Variants in TMEM108 observed in about 807,000 individuals in gnomAD.
The protein encoded by TMEM108 is transmembrane protein 108, also known as cancer/testis antigen 124.
In TMEM108, 12 loss-of-function variants were observed where a neutral mutation model predicts 35.1. The ratio of observed to expected loss-of-function variants is 0.34; its 90% CI spans 0.22 to 0.55. The LOEUF (loss-of-function observed/expected upper bound fraction) is 0.55. Ranked by LOEUF, TMEM108 falls within the 20% of genes least tolerant of loss-of-function variation. TMEM108 has a pLI of 0.89. For missense variants in TMEM108, 680 were observed against 753.3 expected (o/e 0.90, Z 1.14); for synonymous variants, 287 against 308.6 (o/e 0.93, Z 0.73).
intron 2 of TMEM108, among the ~76,000 whole-genome samples, chr3:133,047,545 T>G (rs1943354891): frequency 6.6e-6 from 1 of 152,018 alleles, no homozygotes; most frequent in Non-Finnish European, 1.5e-5. Flanking sequence ...AATTCTTGTG[T>G]GGAGTGTCCT....
At chr3:133,356,604 G>A (rs2072179348) in intron 3 of TMEM108, among the ~76,000 whole-genome samples, 1 of 152,132 alleles carries the variant, frequency 6.6e-6, no homozygotes, top group African/African-American at 2.4e-5. Flanking sequence ...AAAACAGCAT[G>A]GTACTTATAT....
chr3:133,086,034 TA>T (rs1195572009), intron 2 of TMEM108, among the ~76,000 whole-genome samples: 1 of 152,120 alleles, frequency 6.6e-6, no homozygotes, highest in Non-Finnish European at 1.5e-5. Context: ...TGAGCCACAT[TA>T]AAAAAAGAAA....
intron 2 of TMEM108, among the ~76,000 whole-genome samples, chr3:133,145,050 C>T (rs1944697378): frequency 6.6e-6 from 1 of 152,138 alleles, no homozygotes; most frequent in African/African-American, 2.4e-5. Flanking sequence ...TGCCTATGTC[C>T]TGAATGGTAT....
chr3:133,189,795 A>T (rs879596477), intron 2 of TMEM108, among the ~76,000 whole-genome samples: 1 of 152,232 alleles, frequency 6.6e-6, no homozygotes, highest in Non-Finnish European at 1.5e-5. Flanking sequence ...GGCCAAAAGT[A>T]GGGAAGAAAA....
chr3:133,381,668 TC>T (rs2073016639), intron 4 of TMEM108, among the ~76,000 whole-genome samples: 1 of 152,178 alleles, frequency 6.6e-6, no homozygotes, highest in Non-Finnish European at 1.5e-5. Context: ...CTCACCTTCC[TC>T]TTTATCTTCC....
chr3:133,280,089 C>T (rs1946892054), intron 3 of TMEM108, among the ~76,000 whole-genome samples: 1 of 151,998 alleles, frequency 6.6e-6, no homozygotes, highest in Admixed American at 6.5e-5. Flanking sequence ...TAAAAGATCC[C>T]CAGTCAGAGG....
chr3:133,141,463 T>A (rs1944639664), intron 2 of TMEM108, among the ~76,000 whole-genome samples: 1 of 152,202 alleles, frequency 6.6e-6, no homozygotes, highest in Non-Finnish European at 1.5e-5. Flanking sequence ...TCCACTTCAG[T>A]CACCTTAGAT....
chr3:133,209,790 A>G (rs1009376054), intron 2 of TMEM108, among the ~76,000 whole-genome samples: 1 of 152,112 alleles, frequency 6.6e-6, no homozygotes, highest in African/African-American at 2.4e-5. Context: ...TACCCTGAGA[A>G]TGAATGATTT....
intron 2 of TMEM108, among the ~76,000 whole-genome samples, chr3:133,141,616 G>A (rs1213882519): frequency 6.6e-6 from 1 of 152,100 alleles, no homozygotes; most frequent in African/African-American, 2.4e-5. Context: ...TGTAAGCCAG[G>A]GACTGACCTG....
At chr3:133,061,746 A>C (rs1166931732) in intron 2 of TMEM108, among the ~76,000 whole-genome samples, 1 of 152,180 alleles carries the variant, frequency 6.6e-6, no homozygotes, top group Non-Finnish European at 1.5e-5. Context: ...TTTCAAGGCT[A>C]TATGTTACTA....
At chr3:133,238,701 A>G (rs957039102) in intron 3 of TMEM108, among the ~76,000 whole-genome samples, 1 of 152,106 alleles carries the variant, frequency 6.6e-6, no homozygotes, top group Admixed American at 6.5e-5. Context: ...TGGCTCATGT[A>G]TTTTGTCTTC....
At chr3:133,375,956 C>T (rs754804265) in intron 3 of TMEM108, among the ~76,000 whole-genome samples, 16 of 152,148 alleles carry the variant, frequency 1.1e-4, no homozygotes, top group Admixed American at 5.9e-4. Context: ...TTGGCACCCA[C>T]GGTGGCAGTA....
intron 3 of TMEM108, among the ~76,000 whole-genome samples, chr3:133,371,639 A>AAAAAAAAAAAAAAAAAAC (rs2072679939): frequency 7.4e-6 from 1 of 135,952 alleles, no homozygotes; most frequent in African/African-American, 2.6e-5. Context: ...AAAAAAAAAA[A>AAAAAAAAAAAAAAAAAAC]CCCACCCAGA....
chr3:133,109,448 T>C (rs1024948468), intron 2 of TMEM108, among the ~76,000 whole-genome samples: 1 of 151,494 alleles, frequency 6.6e-6, no homozygotes, highest in Non-Finnish European at 1.5e-5. Flanking sequence ...GTCAACATAG[T>C]GAGACCCCGT....
chr3:133,396,809 C>CCTT lies in TMEM108; in HGVS notation c.*825_*827dup, dbSNP rs1348300419. The CCTT allele has an allele frequency of 6.6e-6, 1 of 152,124 alleles. No individual in the cohort carries two copies. The highest frequency in any genetic ancestry group is 1.5e-5 in the Non-Finnish European group (1 of 68,022). The allele number at this position is 152,124 out of a possible 1,614,324, so 9.4% of individuals were successfully genotyped here. ...GGCCCTGGAGCTTTAAAATGCTTGC[C>CCTT]CTTCCTTCTTCAAGGATCAAATGTT... On this transcript the variant is annotated 3_prime_UTR_variant, in exon 6 of 6. Transcript: ENST00000321871.
chr3:133,129,854 G>A (rs1161733792), intron 2 of TMEM108, among the ~76,000 whole-genome samples: 2 of 151,466 alleles, frequency 1.3e-5, no homozygotes, highest in Non-Finnish European at 2.9e-5. Context: ...TCTAAAATCT[G>A]ATTACTTTCT....
At chr3:133,260,655 GC>G (rs55835223) in intron 3 of TMEM108, among the ~76,000 whole-genome samples, 146,975 of 152,284 alleles carry the variant, frequency 0.97, 71,118 homozygotes, top group East Asian at 1. Context: ...GTAATGAGGA[GC>G]CCATTGGAAA....
chr3:133,254,393 T>C (rs1486226840), intron 3 of TMEM108, among the ~76,000 whole-genome samples: 1 of 152,176 alleles, frequency 6.6e-6, no homozygotes, highest in African/African-American at 2.4e-5. Flanking sequence ...ATATGCAATA[T>C]GAATAACTCT....
intron 3 of TMEM108, among the ~76,000 whole-genome samples, chr3:133,272,312 T>TGTGTGTGTGTGTG (rs1553755045): frequency 3.5e-5 from 5 of 141,904 alleles, no homozygotes; most frequent in African/African-American, 7.5e-5. Flanking sequence ...TGTGTGTGTG[T>TGTGTGTGTGTGTG]TTCCTAAAGG....
Sources: gnomAD v4.1 joint callset for allele counts (sites outside exome capture counted in the v4.1 genomes callset) on GRCh38, gnomAD v4.1.1 for gene constraint, MANE v1.5 for transcripts, NCBI Gene and HGNC (gene_info 2026-07-23, HGNC 2026-07-21) for gene names.